The following ADK variants were observed in gnomAD, a reference collection of about 807,000 sequenced individuals.
ADK encodes the protein adenosine kinase.
A neutral mutation model predicts 44.7 loss-of-function variants in ADK; 24 were observed. The observed-to-expected ratio is 0.54, with a 90% CI of 0.39 to 0.76. ADK has a LOEUF of 0.76. Among genes scored for constraint, ADK ranks in the 30% least tolerant of loss-of-function variants. The probability of loss-of-function intolerance (pLI) is 0.00; values close to 1 mark genes in which losing one functional copy is unlikely to be tolerated. For synonymous variants in ADK, 128 were observed against 142.6 expected, an observed-to-expected ratio of 0.90 and a Z score of 0.73; for missense variants, 321 against 425.1, an observed-to-expected ratio of 0.76 and a Z score of 2.15.
At chr10:74,493,651 A>G (rs1009111499) in intron 6 of ADK, among the ~76,000 whole-genome samples, 1 of 151,890 alleles carries the variant, frequency 6.6e-6, no homozygotes, top group Non-Finnish European at 1.5e-5. Context: ...CCCAAATAAT[A>G]CATTGATTTG....
chr10:74,526,718 G>A (rs1849056724), intron 7 of ADK, among the ~76,000 whole-genome samples: 1 of 152,144 alleles, frequency 6.6e-6, no homozygotes, highest in South Asian at 2.1e-4. Context: ...ACATTGGAAG[G>A]AAATGCTATA....
intron 9 of ADK, among the ~76,000 whole-genome samples, chr10:74,664,960 ATG>A (rs1195240866): frequency 6.6e-6 from 1 of 152,246 alleles, no homozygotes. Flanking sequence ...TTAGATTAAA[ATG>A]TTGTTTTCTG....
chr10:74,250,495 G>C (rs889204498), intron 3 of ADK, among the ~76,000 whole-genome samples: 1 of 152,164 alleles, frequency 6.6e-6, no homozygotes, highest in African/African-American at 2.4e-5. Context: ...GCCGAATTGT[G>C]AAAAGTTTTA....
At chr10:74,238,093 T>C (rs1452007084) in intron 3 of ADK, among the ~76,000 whole-genome samples, 1 of 151,340 alleles carries the variant, frequency 6.6e-6, no homozygotes, top group African/African-American at 2.4e-5. Context: ...AAACTCCATC[T>C]CAAAAAAATA....
chr10:74,362,684 C>T (rs191298251), intron 4 of ADK, among the ~76,000 whole-genome samples: 2 of 152,306 alleles, frequency 1.3e-5, no homozygotes, highest in African/African-American at 2.4e-5. Context: ...TTGTTTGTGC[C>T]TGTCCTTCTT....
chr10:74,181,153 GA>G (rs1842540014), intron 1 of ADK, among the ~76,000 whole-genome samples: 1 of 152,022 alleles, frequency 6.6e-6, no homozygotes, highest in African/African-American at 2.4e-5. Flanking sequence ...TACATATCTT[GA>G]ACTAGATATG....
intron 6 of ADK, among the ~76,000 whole-genome samples, chr10:74,426,030 T>C (rs1184134672): frequency 4.6e-5 from 7 of 152,024 alleles, no homozygotes; most frequent in African/African-American, 1.7e-4. Context: ...TTTTGAGAAA[T>C]AGAGAAAAGT....
intron 1 of ADK, among the ~76,000 whole-genome samples, chr10:74,181,191 C>T (rs1415901891): frequency 6.6e-6 from 1 of 152,022 alleles, no homozygotes; most frequent in Non-Finnish European, 1.5e-5. Context: ...TGTTCAGTTC[C>T]CTTTCTAGTA....
At chr10:74,605,496 G>A (rs11516631) in intron 9 of ADK, among the ~76,000 whole-genome samples, 3 of 152,126 alleles carry the variant, frequency 2.0e-5, no homozygotes, top group Admixed American at 2.0e-4. Flanking sequence ...CATCTATTGA[G>A]GTAATCATGT....
At chr10:74,196,783 GT>G (rs763847472) in intron 1 of ADK, among the ~76,000 whole-genome samples, 9 of 152,100 alleles carry the variant, frequency 5.9e-5, no homozygotes, top group Admixed American at 1.3e-4. Context: ...CATGACACAA[GT>G]TTACCTATGT....
chr10:74,567,838 A>G (rs897105555), intron 7 of ADK, among the ~76,000 whole-genome samples: 7 of 151,554 alleles, frequency 4.6e-5, no homozygotes, highest in African/African-American at 1.7e-4. Context: ...AGTTAGGACT[A>G]CAGGCGCCTG....
chr10:74,312,691 G>T (rs1347229697), intron 3 of ADK, among the ~76,000 whole-genome samples: 1 of 150,506 alleles, frequency 6.6e-6, no homozygotes, highest in Non-Finnish European at 1.5e-5. Context: ...AGGATCGCCT[G>T]AGCTCAGGAG....
chr10:74,269,295 C>T (rs1331299022), intron 3 of ADK, among the ~76,000 whole-genome samples: 2 of 152,096 alleles, frequency 1.3e-5, no homozygotes, highest in Non-Finnish European at 2.9e-5. Context: ...ACATATGAAA[C>T]TCTTGATAGT....
At chr10:74,287,133 T>C (rs980356401) in intron 3 of ADK, among the ~76,000 whole-genome samples, 1 of 152,180 alleles carries the variant, frequency 6.6e-6, no homozygotes, top group Non-Finnish European at 1.5e-5. Flanking sequence ...ACAAGAATTA[T>C]GAACATATAA....
In ADK at chr10:74,197,686, A is replaced by C. The variant is rs1331468386; in HGVS notation, c.66-3078A>C. On this transcript the variant is annotated intron_variant, in intron 1 of 10. Transcript: ENST00000539909. ...GCACTCCAGCCTGGGTGACAGAGAG[A>C]GACTCCGTCTAAAAAAAAAAAAAAG... 3.6e-5 allele frequency among the ~76,000 whole-genome samples: 5 copies of C among 140,392 alleles called. No individual in the cohort carries two copies. The South Asian group carries it at 8.9e-4, about 25-fold the overall frequency. 92.1% of individuals were successfully genotyped at this position (140,392 alleles called of 152,430 possible).
At chr10:74,437,710 C>T (rs1845234037) in intron 6 of ADK, among the ~76,000 whole-genome samples, 1 of 152,184 alleles carries the variant, frequency 6.6e-6, no homozygotes, top group South Asian at 2.1e-4. Context: ...GCTGGAGTGG[C>T]CTTTTAAAAA....
intron 2 of ADK, among the ~76,000 whole-genome samples, chr10:74,213,914 T>A (rs1378216169): frequency 6.6e-6 from 1 of 152,192 alleles, no homozygotes. Context: ...ATTCCAAATT[T>A]TAAAATGTCC....
intron 6 of ADK, among the ~76,000 whole-genome samples, chr10:74,466,275 T>G (rs964337794): frequency 2.0e-5 from 3 of 152,204 alleles, no homozygotes; most frequent in African/African-American, 7.2e-5. Flanking sequence ...GGATTCAGTT[T>G]CTATCCTGTG....
At chr10:74,563,477 A>C (rs1192054280) in intron 7 of ADK, among the ~76,000 whole-genome samples, 1 of 152,226 alleles carries the variant, frequency 6.6e-6, no homozygotes, top group Non-Finnish European at 1.5e-5. Flanking sequence ...TGGATGTGTG[A>C]TAAGTGAAAG....
Sources: gnomAD v4.1 joint callset for allele counts (sites outside exome capture counted in the v4.1 genomes callset) on GRCh38, gnomAD v4.1.1 for gene constraint, MANE v1.5 for transcripts, NCBI Gene and HGNC (gene_info 2026-07-23, HGNC 2026-07-21) for gene names.